The following RPS6KC1 variants were observed in gnomAD, a reference collection of about 807,000 sequenced individuals.
RPS6KC1 encodes inactive ribosomal protein S6 kinase delta-1.
In RPS6KC1, 54 loss-of-function variants were observed where a neutral mutation model predicts 103.8. The observed-to-expected ratio is 0.52, with a 90% CI of 0.42 to 0.65. The LOEUF (loss-of-function observed/expected upper bound fraction) is 0.65. RPS6KC1 is among the 30% of genes least tolerant of loss of function. RPS6KC1 has a pLI of 0.00. For synonymous variants in RPS6KC1, 439 were observed against 438.7 expected (o/e 1.00, Z -0.01); for missense variants, 1,151 against 1,253.8 (o/e 0.92, Z 1.24).
chr1:213,635,732 C>T, the RPS6KC1 span, among the ~76,000 whole-genome samples: 3 of 152,196 alleles, frequency 2.0e-5, no homozygotes, highest in African/African-American at 7.2e-5. Context: ...CCTCTCTCAC[C>T]ACTCCTATTC....
chr1:213,241,394 A>G lies in RPS6KC1; in HGVS notation c.1918A>G (p.Ser640Gly), dbSNP rs1440175081. 10 of 1,613,818 alleles carry G rather than the reference A, an allele frequency of 6.2e-6. No individual in the cohort carries two copies. The highest frequency in any genetic ancestry group is 4.0e-5 in the African/African-American group (3 of 74,938). ...ATTCTTTACTCTTCCAGATGGAGAC[A>G]GTGCTTCTAGGAGTTTTAATACTAG... ...KPFFTLPDGD[S>G]ASRSFNTSES... is the part of the protein sequence containing the mutation. Residue 640 changes from serine to glycine, a missense_variant, in exon 11 of 15, where the codon AGT becomes GGT. Ser to Gly is a moderately conservative substitution (Grantham distance 56). This residue lies in a region of RPS6KC1 where 959 missense variants were observed against 1,006.3 expected (regional missense o/e 0.95). Coordinates refer to ENST00000366960, the MANE Select transcript of RPS6KC1 (RefSeq NM_012424.6).
chr1:213,641,947 C>A, the RPS6KC1 span, among the ~76,000 whole-genome samples: 404 of 152,098 alleles, frequency 2.7e-3, 15 homozygotes, highest in East Asian at 0.066. Flanking sequence ...TGAAGGCTAA[C>A]CATTGCTTCT....
At chr1:213,684,704 A>G in the RPS6KC1 span, among the ~76,000 whole-genome samples, 1 of 152,244 alleles carries the variant, frequency 6.6e-6, no homozygotes, top group African/African-American at 2.4e-5. Context: ...GGCTCAGAGA[A>G]GAACACGTGA....
At chr1:213,283,296 GATGGCGGTAGC>G in the RPS6KC1 span, among the ~76,000 whole-genome samples, 1 of 152,218 alleles carries the variant, frequency 6.6e-6, no homozygotes, top group African/African-American at 2.4e-5. Context: ...AGATAGCAAA[GATGGCGGTAGC>G]ATACTGCCCA....
the RPS6KC1 span, among the ~76,000 whole-genome samples, chr1:213,537,706 T>C: frequency 6.6e-6 from 1 of 152,082 alleles, no homozygotes; most frequent in Non-Finnish European, 1.5e-5. Flanking sequence ...CCACAGGGAA[T>C]GTGGGTGTGT....
the RPS6KC1 span, among the ~76,000 whole-genome samples, chr1:213,470,300 C>T: frequency 6.6e-6 from 1 of 152,136 alleles, no homozygotes; most frequent in African/African-American, 2.4e-5. Flanking sequence ...GTGATTGGTT[C>T]TGTAAAGCTT....
the RPS6KC1 span, among the ~76,000 whole-genome samples, chr1:213,797,238 C>T: frequency 6.6e-6 from 1 of 152,202 alleles, no homozygotes; most frequent in African/African-American, 2.4e-5. Context: ...AAACTACTCT[C>T]TTATAATTTG....
At chr1:213,355,911 A>G in the RPS6KC1 span, among the ~76,000 whole-genome samples, 4 of 152,188 alleles carry the variant, frequency 2.6e-5, no homozygotes, top group African/African-American at 9.6e-5. Context: ...CAGTTATTTA[A>G]CCATCTTCTG....
At chr1:213,735,830 G>A in the RPS6KC1 span, among the ~76,000 whole-genome samples, 1 of 152,178 alleles carries the variant, frequency 6.6e-6, no homozygotes, top group Admixed American at 6.5e-5. Flanking sequence ...GCTGTACAAG[G>A]AAGGTGATTC....
the RPS6KC1 span, among the ~76,000 whole-genome samples, chr1:213,797,926 T>C: frequency 6.6e-6 from 1 of 152,224 alleles, no homozygotes; most frequent in Non-Finnish European, 1.5e-5. Context: ...AAAATCGAGA[T>C]ACTCATTTCC....
At chr1:213,778,885 C>T in the RPS6KC1 span, among the ~76,000 whole-genome samples, 3 of 152,116 alleles carry the variant, frequency 2.0e-5, no homozygotes, top group African/African-American at 4.8e-5. Context: ...CAGGCTTCCA[C>T]CCCACCGCCC....
the RPS6KC1 span, among the ~76,000 whole-genome samples, chr1:213,361,050 C>G: frequency 6.6e-6 from 1 of 152,244 alleles, no homozygotes; most frequent in Non-Finnish European, 1.5e-5. Flanking sequence ...AGATCTCAAA[C>G]TCCATGCTGG....
the RPS6KC1 span, among the ~76,000 whole-genome samples, chr1:213,304,288 G>T: frequency 1.3e-5 from 2 of 150,050 alleles, no homozygotes; most frequent in Non-Finnish European, 3.0e-5. Flanking sequence ...GGATAATTAA[G>T]ATCACTGAAG....
At chr1:213,623,962 G>A in the RPS6KC1 span, among the ~76,000 whole-genome samples, 19 of 152,342 alleles carry the variant, frequency 1.2e-4, no homozygotes, top group South Asian at 3.5e-3. Context: ...GAAGCAGTGA[G>A]GTTCTAGAAA....
the RPS6KC1 span, among the ~76,000 whole-genome samples, chr1:213,289,245 T>A: frequency 1.1e-5 from 1 of 86,970 alleles, no homozygotes; most frequent in African/African-American, 4.2e-5. Context: ...TCTGGGGAGT[T>A]GGATGCTCAA....
the RPS6KC1 span, among the ~76,000 whole-genome samples, chr1:213,494,144 G>T: frequency 6.6e-6 from 1 of 152,080 alleles, no homozygotes; most frequent in Non-Finnish European, 1.5e-5. Flanking sequence ...CCCGGCTACA[G>T]AAATGGTTGG....
chr1:213,611,662 G>A, the RPS6KC1 span, among the ~76,000 whole-genome samples: 7 of 152,194 alleles, frequency 4.6e-5, no homozygotes, highest in African/African-American at 7.2e-5. Flanking sequence ...GCTAATGTGC[G>A]TTTTGCATCT....
the RPS6KC1 span, among the ~76,000 whole-genome samples, chr1:213,760,356 C>T: frequency 2.6e-4 from 39 of 152,120 alleles, no homozygotes; most frequent in Admixed American, 2.6e-3. Flanking sequence ...ATGGTTGGGA[C>T]ACAATTAGGG....
chr1:213,718,461 A>G, the RPS6KC1 span, among the ~76,000 whole-genome samples: 2 of 152,242 alleles, frequency 1.3e-5, no homozygotes, highest in African/African-American at 2.4e-5. Context: ...CTGGATATGT[A>G]ACACCCTCTC....
Sources: allele counts gnomAD v4.1 joint callset (sites outside exome capture counted in the v4.1 genomes callset), GRCh38; gene constraint gnomAD v4.1.1; regional missense constraint gnomAD v4.1.1; transcripts MANE v1.5; gene names NCBI Gene and HGNC (gene_info 2026-07-23, HGNC 2026-07-21).